Variants in RNLS observed in about 807,000 individuals in gnomAD.
RNLS encodes renalase, FAD dependent amine oxidase.
In RNLS, 39 loss-of-function variants were observed where a neutral mutation model predicts 39.8. That is an observed-to-expected ratio of 0.98 (90% confidence interval 0.76 to 1.28). The LOEUF (loss-of-function observed/expected upper bound fraction) is 1.28. RNLS is among the 50% of genes most tolerant of loss of function. The pLI, the probability that RNLS is intolerant of heterozygous loss-of-function variation, is 0.00. For missense variants in RNLS, 410 were observed against 413.3 expected, an observed-to-expected ratio of 0.99 and a Z score of 0.07; for synonymous variants, 147 against 150.7, an observed-to-expected ratio of 0.98 and a Z score of 0.18.
At chr10:88,232,292 G>A in the RNLS span, among the ~76,000 whole-genome samples, 3 of 152,168 alleles carry the variant, frequency 2.0e-5, no homozygotes, top group Admixed American at 6.5e-5. Context: ...AGGTCTGAGG[G>A]AAGGGGACCA....
In RNLS at chr10:88,551,437, C is replaced by T. The variant is rs74147219; in HGVS notation, c.526+21466G>A. Among the ~76,000 whole-genome samples the T allele has an allele frequency of 7.2e-3, 1,096 of 152,236 alleles. 10 individuals are homozygous for T. Among genetic ancestry groups the T allele is most frequent in the African/African-American group, 0.024 (998 of 41,532 alleles). ...CTGAGAACTATTTAGGGAACTTCGG[C>T]CTGTCCATGGACTAATAGTCACACT... On this transcript the variant is annotated intron_variant, in intron 4 of 6. Transcript: ENST00000331772.
chr10:88,234,461 T>TA, the RNLS span, among the ~76,000 whole-genome samples: 1 of 152,136 alleles, frequency 6.6e-6, no homozygotes, highest in East Asian at 1.9e-4. Flanking sequence ...GGAGGGCAAG[T>TA]ATTTGCCAAG....
intron 5 of RNLS, among the ~76,000 whole-genome samples, chr10:88,336,698 C>T (rs1847527472): frequency 6.6e-6 from 1 of 152,150 alleles, no homozygotes; most frequent in Admixed American, 6.5e-5. Context: ...TAGCATTCAC[C>T]AGCAATATAA....
chr10:88,442,953 C>T (rs1841808235), intron 4 of RNLS, among the ~76,000 whole-genome samples: 1 of 152,154 alleles, frequency 6.6e-6, no homozygotes, highest in South Asian at 2.1e-4. Context: ...CTTGGTATTT[C>T]CCCTTAAATT....
At chr10:88,571,450 T>G (rs1397538590) in intron 4 of RNLS, among the ~76,000 whole-genome samples, 3 of 152,184 alleles carry the variant, frequency 2.0e-5, no homozygotes, top group African/African-American at 7.2e-5. Context: ...TTTTCATATG[T>G]CAATCATACT....
At chr10:88,183,991 T>C in the RNLS span, among the ~76,000 whole-genome samples, 12 of 152,196 alleles carry the variant, frequency 7.9e-5, no homozygotes, top group African/African-American at 2.9e-4. Flanking sequence ...TTCCAGAATG[T>C]AAAGTTAACA....
At chr10:88,430,572 G>C (rs1214083667) in intron 4 of RNLS, among the ~76,000 whole-genome samples, 1 of 151,848 alleles carries the variant, frequency 6.6e-6, no homozygotes, top group Non-Finnish European at 1.5e-5. Context: ...GTACTCAACA[G>C]TAGTAGGAAA....
intron 4 of RNLS, among the ~76,000 whole-genome samples, chr10:88,422,549 T>G (rs1426263959): frequency 6.6e-6 from 1 of 152,148 alleles, no homozygotes; most frequent in African/African-American, 2.4e-5. Flanking sequence ...ACAAATTGAG[T>G]TTCATTAGGG....
At chr10:88,527,431 C>A (rs1281180650) in intron 4 of RNLS, among the ~76,000 whole-genome samples, 2 of 152,166 alleles carry the variant, frequency 1.3e-5, no homozygotes, top group African/African-American at 4.8e-5. Flanking sequence ...GCTCCACTTA[C>A]CAAGCCCTGT....
At chr10:88,435,851 C>T (rs547251398) in intron 4 of RNLS, among the ~76,000 whole-genome samples, 39 of 152,098 alleles carry the variant, frequency 2.6e-4, no homozygotes, top group Non-Finnish European at 4.4e-4. Context: ...TGTTGTTATC[C>T]ATGTTGTTGT....
rs1389169252 is a variant in RNLS, at chr10:88,454,305, C to T, written c.527-91580G>A. Among the ~76,000 whole-genome samples the T allele has an allele frequency of 2.6e-5, 4 of 152,108 alleles. No homozygotes were observed. In the East Asian group the frequency reaches 5.8e-4, roughly 22 times the overall value. On this transcript the variant is annotated intron_variant, in intron 4 of 6. Transcript: ENST00000331772. The stretch of plus-strand genomic sequence containing the variant: ...AGGAGGCCTTGGTGCCATTTTCCAG[C>T]CATATTTTGATGGCATTGTGGGAGG...
intron 5 of RNLS, among the ~76,000 whole-genome samples, chr10:88,334,155 T>C (rs1481193700): frequency 1.3e-5 from 2 of 152,184 alleles, no homozygotes; most frequent in African/African-American, 2.4e-5. Context: ...ATTTCTGATA[T>C]AGCTAAATGG....
the RNLS span, among the ~76,000 whole-genome samples, chr10:88,174,455 G>C: frequency 6.6e-6 from 1 of 152,028 alleles, no homozygotes; most frequent in Non-Finnish European, 1.5e-5. Context: ...TTTGTTGAGA[G>C]TTTTTATCAT....
At chr10:88,376,218 G>A (rs748924068) in intron 4 of RNLS, among the ~76,000 whole-genome samples, 1 of 152,044 alleles carries the variant, frequency 6.6e-6, no homozygotes, top group Non-Finnish European at 1.5e-5. Flanking sequence ...AGCCTCTGCC[G>A]GCATCCACTG....
At chr10:88,573,388 T>A (rs1348317144) in intron 3 of RNLS, among the ~76,000 whole-genome samples, 2 of 152,332 alleles carry the variant, frequency 1.3e-5, no homozygotes, top group South Asian at 2.1e-4. Context: ...CTAATTTATC[T>A]CACAGACAAG....
chr10:88,176,649 T>C, the RNLS span, among the ~76,000 whole-genome samples: 2 of 152,238 alleles, frequency 1.3e-5, no homozygotes. Context: ...TAATAATATT[T>C]GACTCTTTCC....
At chr10:88,418,551 T>C (rs1854181231) in intron 4 of RNLS, among the ~76,000 whole-genome samples, 1 of 152,194 alleles carries the variant, frequency 6.6e-6, no homozygotes, top group Admixed American at 6.5e-5. Flanking sequence ...AAATGGCTGT[T>C]TGTTTCATCA....
chr10:88,534,340 T>C (rs1329202256), intron 4 of RNLS, among the ~76,000 whole-genome samples: 2 of 152,026 alleles, frequency 1.3e-5, no homozygotes, highest in African/African-American at 4.8e-5. Flanking sequence ...GTCATATAAA[T>C]CCTCTGGACA....
chr10:88,453,671 A>G (rs992367221), intron 4 of RNLS, among the ~76,000 whole-genome samples: 1 of 152,176 alleles, frequency 6.6e-6, no homozygotes, highest in Non-Finnish European at 1.5e-5. Flanking sequence ...CTCCTTATTT[A>G]TGTGTTCTCT....
Sources: allele counts gnomAD v4.1 joint callset (sites outside exome capture counted in the v4.1 genomes callset), GRCh38; gene constraint gnomAD v4.1.1; transcripts MANE v1.5; gene names NCBI Gene and HGNC (gene_info 2026-07-23, HGNC 2026-07-21).